Variants in RPS6KC1 observed in about 807,000 individuals in gnomAD.
RPS6KC1 encodes the protein ribosomal protein S6 kinase C1, also known as inactive ribosomal protein S6 kinase delta-1.
A neutral mutation model predicts 103.8 loss-of-function variants in RPS6KC1; 54 were observed. The observed-to-expected ratio is 0.52, with a 90% CI of 0.42 to 0.65. RPS6KC1 has a LOEUF of 0.65. Ranked by LOEUF, RPS6KC1 falls within the 30% of genes least tolerant of loss-of-function variation. The pLI, the probability that RPS6KC1 is intolerant of heterozygous loss-of-function variation, is 0.00. For synonymous variants in RPS6KC1, 439 were observed against 438.7 expected (o/e 1.00, Z -0.01); for missense variants, 1,151 against 1,253.8 (o/e 0.92, Z 1.24).
intron 10 of RPS6KC1, among the ~76,000 whole-genome samples, chr1:213,235,582 T>C (rs1311908418): frequency 1.3e-5 from 2 of 152,036 alleles, no homozygotes; most frequent in African/African-American, 2.4e-5. Context: ...AAAGGATGTC[T>C]TGGCAAGAGA....
chr1:213,218,909 A>G (rs1313437450), intron 8 of RPS6KC1, among the ~76,000 whole-genome samples: 1 of 152,268 alleles, frequency 6.6e-6, no homozygotes, highest in Non-Finnish European at 1.5e-5. Flanking sequence ...AAAACTGTAA[A>G]AGCCCTAGAA....
At chr1:213,840,799 AAAC>A in the RPS6KC1 span, 1 of 152,174 alleles carries the variant, frequency 6.6e-6, no homozygotes, top group African/African-American at 2.4e-5. Context: ...AACAAGGCCC[AAAC>A]AACAAGTTGG....
At chr1:213,157,927 G>C (rs1471871971) in intron 6 of RPS6KC1, among the ~76,000 whole-genome samples, 2 of 151,950 alleles carry the variant, frequency 1.3e-5, no homozygotes, top group Non-Finnish European at 2.9e-5. Flanking sequence ...GTCTATTATT[G>C]TCTGTGGTAA....
At chr1:213,360,802 T>C in the RPS6KC1 span, among the ~76,000 whole-genome samples, 9 of 152,248 alleles carry the variant, frequency 5.9e-5, no homozygotes, top group African/African-American at 2.2e-4. Flanking sequence ...TGCAGATCTG[T>C]TGGAGTTTGC....
intron 6 of RPS6KC1, among the ~76,000 whole-genome samples, chr1:213,151,355 CCA>C (rs2088851105): frequency 7.5e-6 from 1 of 133,732 alleles, no homozygotes; most frequent in Non-Finnish European, 1.6e-5. Context: ...GCTAACCCCC[CCA>C]CCTCCCTCCC....
At chr1:213,784,143 A>G in the RPS6KC1 span, among the ~76,000 whole-genome samples, 1 of 152,144 alleles carries the variant, frequency 6.6e-6, no homozygotes, top group African/African-American at 2.4e-5. Flanking sequence ...TTGAGCACCC[A>G]CTTGATGCTG....
chr1:213,107,976 G>A (rs2082656728), intron 4 of RPS6KC1, among the ~76,000 whole-genome samples: 1 of 152,080 alleles, frequency 6.6e-6, no homozygotes, highest in Non-Finnish European at 1.5e-5. Context: ...GGTTATCATT[G>A]AGTTGTAAGA....
the RPS6KC1 span, among the ~76,000 whole-genome samples, chr1:213,696,653 A>G: frequency 6.6e-6 from 1 of 152,182 alleles, no homozygotes; most frequent in Non-Finnish European, 1.5e-5. Flanking sequence ...TACACCTCTT[A>G]ATTCCATATT....
At chr1:213,531,340 A>G in the RPS6KC1 span, among the ~76,000 whole-genome samples, 1 of 152,214 alleles carries the variant, frequency 6.6e-6, no homozygotes, top group South Asian at 2.1e-4. Flanking sequence ...GGAATGGAGA[A>G]GGAAGACAGG....
chr1:213,465,745 T>A, the RPS6KC1 span, among the ~76,000 whole-genome samples: 1 of 152,204 alleles, frequency 6.6e-6, no homozygotes, highest in African/African-American at 2.4e-5. Flanking sequence ...TTGCCTAGGA[T>A]GAATTCTGTG....
the RPS6KC1 span, among the ~76,000 whole-genome samples, chr1:213,648,090 AT>A: frequency 2.0e-5 from 3 of 151,940 alleles, no homozygotes; most frequent in Non-Finnish European, 2.9e-5. Flanking sequence ...GCCATTTATT[AT>A]TTTTTTTCTA....
At chr1:213,385,067 A>G in the RPS6KC1 span, among the ~76,000 whole-genome samples, 288 of 152,330 alleles carry the variant, frequency 1.9e-3, no homozygotes, top group African/African-American at 6.5e-3. Context: ...CCATGATGTT[A>G]TACTGCTCTG....
At chr1:213,133,730 G>A (rs1376460234) in intron 6 of RPS6KC1, among the ~76,000 whole-genome samples, 1 of 152,108 alleles carries the variant, frequency 6.6e-6, no homozygotes, top group Non-Finnish European at 1.5e-5. Context: ...TGTTTTATAG[G>A]TGGAGAAAAC....
the RPS6KC1 span, among the ~76,000 whole-genome samples, chr1:213,370,659 C>T: frequency 6.6e-6 from 1 of 152,168 alleles, no homozygotes; most frequent in Non-Finnish European, 1.5e-5. Flanking sequence ...GTTATTAGTC[C>T]CATTCAATAG....
intron 6 of RPS6KC1, among the ~76,000 whole-genome samples, chr1:213,132,623 G>A (rs2085772424): frequency 6.6e-6 from 1 of 152,134 alleles, no homozygotes; most frequent in Non-Finnish European, 1.5e-5. Flanking sequence ...CAGAAGAGAT[G>A]TTTCCTTGGG....
chr1:213,117,444 T>G (rs1325483743), intron 5 of RPS6KC1, 34 bp downstream of exon 5: 1 of 1,258,136 alleles, frequency 7.9e-7, no homozygotes, highest in Non-Finnish European at 1.2e-6. Flanking sequence ...ATTTCAAAGG[T>G]TTGGATTACA....
At chr1:213,619,329 A>G in the RPS6KC1 span, among the ~76,000 whole-genome samples, 4 of 152,126 alleles carry the variant, frequency 2.6e-5, no homozygotes, top group Non-Finnish European at 5.9e-5. Flanking sequence ...AAACTTTCCT[A>G]GAAGTACCTA....
chr1:213,087,813 T>C (rs1157042996), intron 3 of RPS6KC1, among the ~76,000 whole-genome samples: 1 of 152,182 alleles, frequency 6.6e-6, no homozygotes, highest in Non-Finnish European at 1.5e-5. Flanking sequence ...AATTTGTCTG[T>C]GTATCTGCCC....
Position 213,137,521 on chromosome 1 carries a change from C to T in RPS6KC1, c.835+7632C>T, listed in dbSNP as rs148258100. 4.4e-3 allele frequency among the ~76,000 whole-genome samples: 666 copies of T among 150,848 alleles called. 7 individuals carry two copies. The highest frequency in any genetic ancestry group is 5.6e-3 in the Non-Finnish European group (378 of 67,638). On this transcript the variant is annotated intron_variant, in intron 6 of 14. Transcript: ENST00000366960. ...GCTAATTTTGTATTTTTAGGAGAAA[C>T]GGTGTTTCTCCATGTTGGTCAGGCT...
Sources: gnomAD v4.1 joint callset for allele counts (sites outside exome capture counted in the v4.1 genomes callset) on GRCh38, gnomAD v4.1.1 for gene constraint, MANE v1.5 for transcripts, NCBI Gene and HGNC (gene_info 2026-07-23, HGNC 2026-07-21) for gene names.